Variants in SYT3 observed in about 807,000 individuals in gnomAD.
SYT3 encodes the protein synaptotagmin-3.
SYT3 carries 25 observed loss-of-function variants against 50.6 expected under a neutral mutation model. The ratio of observed to expected loss-of-function variants is 0.49; its 90% confidence interval spans 0.36 to 0.69. SYT3 has a LOEUF of 0.69. SYT3 is among the 30% of genes least tolerant of loss of function. The probability of loss-of-function intolerance (pLI) is 0.00; values close to 1 mark genes in which losing one functional copy is unlikely to be tolerated. For synonymous variants in SYT3, 323 were observed against 353.9 expected, an observed-to-expected ratio of 0.91 and a Z score of 0.98; for missense variants, 589 against 793.6, an observed-to-expected ratio of 0.74 and a Z score of 3.10.
chr19:50,639,930 C>G (rs985741344), upstream of SYT3: 1 of 153,264 alleles, frequency 6.5e-6, no homozygotes, highest in Non-Finnish European at 1.5e-5. The surrounding 1 kb of genome is among the most constrained non-coding windows in gnomAD (Gnocchi z 4.6). Flanking sequence ...TCCCCCACTC[C>G]GAACCCGCGG....
At chr19:50,654,110 T>G in the SYT3 span, among the ~76,000 whole-genome samples, 1 of 151,952 alleles carries the variant, frequency 6.6e-6, no homozygotes, top group African/African-American at 2.4e-5. Flanking sequence ...ACGGGAAATG[T>G]TTTATGTTCG....
the SYT3 span, among the ~76,000 whole-genome samples, chr19:50,651,163 G>A: frequency 2.6e-5 from 4 of 152,286 alleles, no homozygotes; most frequent in South Asian, 4.1e-4. Flanking sequence ...GAGAGGAGAC[G>A]TGAAACACGC....
chr19:50,629,465 G>C lies in SYT3; in HGVS notation c.1110C>G (p.Phe370Leu). 1 of 1,614,064 alleles carries C rather than the reference G, an allele frequency of 6.2e-7. No homozygotes were observed. The highest frequency in any genetic ancestry group is 8.5e-7 in the Non-Finnish European group (1 of 1,179,962). ...GGGCCAGCTCGGCCAGGGGCACCGA[G>C]AATTGAAACGTCTCATTGAAGACGG... ...LNPVFNETFQ[F>L]SVPLAELAQR... is the part of the protein sequence containing the mutation. The change falls in exon 6 of 11, where the codon TTC becomes TTG. Residue 370 changes from phenylalanine to leucine, a missense_variant. Around this residue, in one of 2 missense-constraint regions of SYT3, gnomAD observed 273 missense variants for 439.3 expected, o/e 0.62. Transcript: ENST00000600079.
At chr19:50,644,830 A>G (rs1328727991), upstream of SYT3, among the ~76,000 whole-genome samples, 1 of 151,656 alleles carries the variant, frequency 6.6e-6, no homozygotes, top group East Asian at 1.9e-4. Flanking sequence ...GAAATAGATG[A>G]AGGGAGGGAT....
intron 3 of SYT3, among the ~76,000 whole-genome samples, chr19:50,634,536 A>G (rs1984429850): frequency 6.7e-6 from 1 of 150,158 alleles, no homozygotes; most frequent in Non-Finnish European, 1.5e-5. Flanking sequence ...CTGGCAGAAG[A>G]ACTCTGGGTT....
chr19:50,634,729 G>GGGC (rs1984439158), intron 3 of SYT3, among the ~76,000 whole-genome samples: 1 of 151,654 alleles, frequency 6.6e-6, no homozygotes, highest in Non-Finnish European at 1.5e-5. Context: ...AACAACAAGT[G>GGGC]GGCACCAGCA....
chr19:50,632,735 G>A lies in SYT3; in HGVS notation c.225C>T (p.Ser75=), dbSNP rs1221737212. ...IVLLGVSLFV[S]WKLCWVPWRD... is the part of the protein sequence containing the mutation. ...GCCAGGGCACCCAGCACAACTTCCA[G>A]GACACGAAGAGAGAGACACCCAGAA... The change falls in exon 4 of 11, where the codon TCC becomes TCT. Residue 75 remains serine, a synonymous_variant. Coordinates refer to ENST00000600079, the MANE Select transcript of SYT3 (RefSeq NM_001160329.2). The surrounding 1 kb of genome is among the most constrained non-coding windows in gnomAD (Gnocchi z 4.7). The A allele has an allele frequency of 6.4e-7, 1 of 1,569,406 alleles. No homozygotes were observed. Among genetic ancestry groups the A allele is most frequent in the Admixed American group, 1.9e-5 (1 of 53,688 alleles).
At position 50,625,270 on chromosome 19, in the gene SYT3, G is replaced by A. The variant is rs1459882646; in HGVS notation, c.1599C>T (p.Gly533=). The change falls in exon 9 of 11, where the codon GGC becomes GGT. Residue 533 remains glycine, a synonymous_variant. Transcript: ENST00000600079. The surrounding 1 kb of genome is among the most constrained non-coding windows in gnomAD (Gnocchi z 7.5). Reference sequence around the variant, plus strand: ...CAGCGTCGGGGCCCACACGGCACACGCCGATCACCTCGTTGTGCCCGATGC... The same window carrying A: ...CAGCGTCGGGGCCCACACGGCACACACCGATCACCTCGTTGTGCCCGATGC... The part of the protein sequence containing the change: ...YDCIGHNEVI[G]VCRVGPDAAD... 5 of 1,546,424 alleles carry A rather than the reference G, an allele frequency of 3.2e-6. No homozygotes were observed. The highest frequency in any genetic ancestry group is 4.8e-5 in the East Asian group (2 of 41,590).
In SYT3 at chr19:50,637,686, G is replaced by C. The variant is rs1984542010; in HGVS notation, c.-15-260C>G. On this transcript the variant is annotated intron_variant, in intron 2 of 10. Coordinates refer to ENST00000600079, the MANE Select transcript of SYT3 (RefSeq NM_001160329.2). This position sits in a 1 kb window ranked among gnomAD's most constrained non-coding sequence, Gnocchi z 4.9. ...AAATTAGGGATGGAGATAGTAGCAG[G>C]GACTGGGTAAGTCAAGGGGACAGAG... 2.4e-5 allele frequency: 9 copies of C among 382,448 alleles called. No individual in the cohort carries two copies. The East Asian group carries it at 4.0e-4, about 17-fold the overall frequency. The allele number at this position is 382,448 out of a possible 1,614,324, so 23.7% of individuals were successfully genotyped here.
At chr19:50,633,624 G>C (rs566069796) in intron 3 of SYT3, among the ~76,000 whole-genome samples, 1 of 152,238 alleles carries the variant, frequency 6.6e-6, no homozygotes, top group South Asian at 2.1e-4. Context: ...TTTCCAAGTA[G>C]GAAAAATCAG....
At position 50,636,904 on chromosome 19, in the gene SYT3, G is replaced by A. The variant is rs538411628; in HGVS notation, c.148+360C>T. The stretch of plus-strand genomic sequence containing the variant: ...CAGATGAGGAGACTGAGTCCCAGAA[G>A]AAGAGTCACTTACCTACAGCCATGC... On this transcript the variant is annotated intron_variant, in intron 3 of 10. Coordinates refer to ENST00000600079, the MANE Select transcript of SYT3 (RefSeq NM_001160329.2). 1.4e-4 allele frequency among the ~76,000 whole-genome samples: 22 copies of A among 152,304 alleles called. No individual in the cohort carries two copies. In the South Asian group the frequency reaches 2.7e-3, roughly 19 times the overall value.
At chr19:50,654,869 AT>A in the SYT3 span, among the ~76,000 whole-genome samples, 1 of 152,098 alleles carries the variant, frequency 6.6e-6, no homozygotes, top group Non-Finnish European at 1.5e-5. Context: ...CCAGAATTGT[AT>A]TTCTCTCTTG....
chr19:50,641,035 G>A (rs954959996), upstream of SYT3, among the ~76,000 whole-genome samples: 2 of 152,164 alleles, frequency 1.3e-5, no homozygotes, highest in East Asian at 1.9e-4. Context: ...CCTGGACAAC[G>A]TAGGAGACTC....
chr19:50,628,241 C>A (rs1984147414), intron 6 of SYT3, among the ~76,000 whole-genome samples: 2 of 152,000 alleles, frequency 1.3e-5, no homozygotes, highest in African/African-American at 4.8e-5. Context: ...AGCGGGGGCG[C>A]TGTAGAGTTG....
Position 50,637,626 on chromosome 19 carries a change from GA to G in SYT3, c.-15-201del. 1 of 522,694 alleles carries G rather than the reference GA, an allele frequency of 1.9e-6. No individual in the cohort carries two copies. 32.4% of individuals were successfully genotyped at this position (522,694 alleles called of 1,614,324 possible). ...GTGACAGGTATTAGGGATGGACAAG[GA>G]AAAGGAATTAGGAGTAGACAGACAA... On this transcript the variant is annotated intron_variant, in intron 2 of 10. Coordinates refer to ENST00000600079, the MANE Select transcript of SYT3 (RefSeq NM_001160329.2). This position sits in a 1 kb window ranked among gnomAD's most constrained non-coding sequence, Gnocchi z 4.9.
At chr19:50,657,056 T>C in the SYT3 span, among the ~76,000 whole-genome samples, 1 of 151,936 alleles carries the variant, frequency 6.6e-6, no homozygotes, top group African/African-American at 2.4e-5. Flanking sequence ...AGGTCATGTT[T>C]TTGACAGATT....
At position 50,622,451 on chromosome 19, in the gene SYT3, A is replaced by G. The variant is rs1983885739; in HGVS notation, c.*34T>C. On this transcript the variant is annotated 3_prime_UTR_variant, in exon 11 of 11. Coordinates refer to ENST00000600079, the MANE Select transcript of SYT3 (RefSeq NM_001160329.2). ...GCAGGAAAGGATGGGGTCCTGAGGG[A>G]GCCTGGTCCGATCCCGGGCCTAGGC... 1.2e-5 allele frequency: 5 copies of G among 407,006 alleles called. No individual in the cohort carries two copies. The South Asian group carries it at 1.5e-4, about 12-fold the overall frequency. 25.2% of individuals were successfully genotyped at this position (407,006 alleles called of 1,614,324 possible).
Position 50,637,031 on chromosome 19 carries a change from G to C in SYT3, c.148+233C>G, listed in dbSNP as rs1450474603. 6.6e-6 allele frequency among the ~76,000 whole-genome samples: 1 copy of C among 152,164 alleles called. No individual in the cohort carries two copies. Among genetic ancestry groups the C allele is most frequent in the African/African-American group, 2.4e-5 (1 of 41,430 alleles). ...AGATGCAGAGAGATATCTGAAGGGG[G>C]CATTTGGTGGTGGTAGTCGGAGGGA... On this transcript the variant is annotated intron_variant, in intron 3 of 10. Transcript: ENST00000600079. The surrounding 1 kb of genome is among the most constrained non-coding windows in gnomAD (Gnocchi z 4.9).
At chr19:50,626,166 G>T (rs996649539) in intron 6 of SYT3, 149 bp from the exon 7 acceptor site, 1 of 1,291,934 alleles carries the variant, frequency 7.7e-7, no homozygotes, top group Non-Finnish European at 1.0e-6. Context: ...CTTGGGACAA[G>T]GCCCAGTAAT....
Sources: allele counts gnomAD v4.1 joint callset (sites outside exome capture counted in the v4.1 genomes callset), GRCh38; gene constraint gnomAD v4.1.1; regional missense constraint gnomAD v4.1.1; non-coding constraint Gnocchi (gnomAD v3.1); transcripts MANE v1.5; gene names NCBI Gene and HGNC (gene_info 2026-07-23, HGNC 2026-07-21).